The following HS3ST5 variants were observed in gnomAD, a reference collection of about 807,000 sequenced individuals.
The protein encoded by HS3ST5 is heparan sulfate-glucosamine 3-sulfotransferase 5.
Under a neutral mutation model 25.4 loss-of-function variants are expected in HS3ST5, and 10 were observed. The ratio of observed to expected loss-of-function variants is 0.39; its 90% CI spans 0.24 to 0.67. The LOEUF (loss-of-function observed/expected upper bound fraction) is 0.67. Ranked by LOEUF, HS3ST5 falls within the 30% of genes least tolerant of loss-of-function variation. HS3ST5 has a pLI of 0.44. For missense variants in HS3ST5, 324 were observed against 420.7 expected, an observed-to-expected ratio of 0.77 and a Z score of 2.01; for synonymous variants, 170 against 162.4, an observed-to-expected ratio of 1.05 and a Z score of -0.36.
At chr6:114,113,008 C>G (rs1776340969) in intron 3 of HS3ST5, among the ~76,000 whole-genome samples, 1 of 152,154 alleles carries the variant, frequency 6.6e-6, no homozygotes, top group Non-Finnish European at 1.5e-5. Flanking sequence ...TCCCTAATGG[C>G]AGTAACACTT....
chr6:114,096,209 C>T (rs1455669720), intron 3 of HS3ST5, among the ~76,000 whole-genome samples: 3 of 152,096 alleles, frequency 2.0e-5, no homozygotes, highest in African/African-American at 4.8e-5. Flanking sequence ...GGAACATCAC[C>T]CTTGAGCCCG....
chr6:114,157,936 C>T (rs1778775898), intron 3 of HS3ST5, among the ~76,000 whole-genome samples: 1 of 152,176 alleles, frequency 6.6e-6, no homozygotes, highest in Non-Finnish European at 1.5e-5. Context: ...GCTGCCTCCT[C>T]TGCCTATTGC....
At chr6:114,274,202 T>C (rs941789768) in intron 1 of HS3ST5, among the ~76,000 whole-genome samples, 1 of 151,922 alleles carries the variant, frequency 6.6e-6, no homozygotes, top group Non-Finnish European at 1.5e-5. Flanking sequence ...GGTGAAATCT[T>C]TGGAAGTTCT....
chr6:114,130,786 G>A (rs1777290029), intron 3 of HS3ST5, among the ~76,000 whole-genome samples: 1 of 152,144 alleles, frequency 6.6e-6, no homozygotes, highest in Non-Finnish European at 1.5e-5. Context: ...AGCCAGGATA[G>A]TCTCGATCTC....
intron 3 of HS3ST5, among the ~76,000 whole-genome samples, chr6:114,137,224 C>T (rs1310801357): frequency 1.3e-5 from 2 of 151,956 alleles, no homozygotes; most frequent in Non-Finnish European, 2.9e-5. Flanking sequence ...AATTTCTTCT[C>T]CCCCCCGCAA....
At chr6:114,340,722 C>T (rs1202941302) in intron 1 of HS3ST5, 4 of 152,142 alleles carry the variant, frequency 2.6e-5, no homozygotes, top group Admixed American at 1.3e-4. Flanking sequence ...AGCAATAAAA[C>T]CTTTTTTAAA....
At chr6:114,302,482 C>T (rs1412667106) in intron 1 of HS3ST5, among the ~76,000 whole-genome samples, 2 of 151,970 alleles carry the variant, frequency 1.3e-5, no homozygotes, top group Non-Finnish European at 2.9e-5. Context: ...TTAAGTAAAA[C>T]CTAGGACAAT....
In HS3ST5 at chr6:114,138,870, G is replaced by A. The variant is rs1056086089; in HGVS notation, c.-33+29481C>T. 3.9e-5 allele frequency among the ~76,000 whole-genome samples: 6 copies of A among 152,212 alleles called. 1 individual carries two copies. The South Asian group carries it at 8.3e-4, about 21-fold the overall frequency. On this transcript the variant is annotated intron_variant, in intron 3 of 4. Coordinates refer to ENST00000312719, the MANE Select transcript of HS3ST5 (RefSeq NM_153612.4). ...TTGGTAGATTCAGTGTCTGGTGAGC[G>A]CTTGCTTCCTAGTTCACAGAAGGCA... is the stretch of plus-strand genomic sequence containing the variant.
intron 3 of HS3ST5, among the ~76,000 whole-genome samples, chr6:114,161,555 A>ATATAAATATATATAAAATT (rs1554214771): frequency 9.0e-5 from 9 of 99,982 alleles, no homozygotes; most frequent in African/African-American, 3.2e-4. Flanking sequence ...ATATATATAT[A>ATATAAATATATATAAAATT]TATATATATA....
chr6:114,062,424 T>G (rs1370195946), intron 4 of HS3ST5, among the ~76,000 whole-genome samples: 2 of 152,034 alleles, frequency 1.3e-5, no homozygotes, highest in African/African-American at 4.8e-5. Context: ...CAGCTAGAGG[T>G]CAACACCAGA....
At chr6:114,208,233 G>A (rs879708948) in intron 2 of HS3ST5, among the ~76,000 whole-genome samples, 3 of 151,966 alleles carry the variant, frequency 2.0e-5, no homozygotes, top group African/African-American at 7.3e-5. Flanking sequence ...GAGTGTTGGT[G>A]GCCCATTCTT....
intron 1 of HS3ST5, among the ~76,000 whole-genome samples, chr6:114,293,857 G>C (rs1562266496): frequency 6.6e-6 from 1 of 152,160 alleles, no homozygotes; most frequent in Non-Finnish European, 1.5e-5. Context: ...GCTGCAGAGA[G>C]ACTAATATAT....
chr6:114,114,482 T>C (rs1776418967), intron 3 of HS3ST5, among the ~76,000 whole-genome samples: 1 of 152,156 alleles, frequency 6.6e-6, no homozygotes, highest in African/African-American at 2.4e-5. Flanking sequence ...AATAGGATCA[T>C]ATAATTATGT....
intron 1 of HS3ST5, among the ~76,000 whole-genome samples, chr6:114,303,478 G>A (rs1279967698): frequency 2.0e-5 from 3 of 151,264 alleles, no homozygotes; most frequent in Admixed American, 2.0e-4. Flanking sequence ...TTTTTTCTGG[G>A]CAGAGTGACT....
At chr6:114,083,010 T>A (rs1315181006) in intron 3 of HS3ST5, among the ~76,000 whole-genome samples, 1 of 152,238 alleles carries the variant, frequency 6.6e-6, no homozygotes. Flanking sequence ...CACCCTTCTA[T>A]AGAAGTACAT....
At chr6:114,334,201 C>T (rs1014735184) in intron 1 of HS3ST5, among the ~76,000 whole-genome samples, 1 of 152,188 alleles carries the variant, frequency 6.6e-6, no homozygotes, top group Non-Finnish European at 1.5e-5. Flanking sequence ...GTCCTTGAGC[C>T]TTTTCTGGAT....
intron 1 of HS3ST5, among the ~76,000 whole-genome samples, chr6:114,279,964 G>A (rs1016357401): frequency 6.6e-6 from 1 of 151,984 alleles, no homozygotes; most frequent in African/African-American, 2.4e-5. Context: ...AAATGGGCAG[G>A]TAATTCTAAT....
At chr6:114,223,194 A>G (rs1357172348) in intron 2 of HS3ST5, among the ~76,000 whole-genome samples, 1 of 151,604 alleles carries the variant, frequency 6.6e-6, no homozygotes, top group Non-Finnish European at 1.5e-5. Flanking sequence ...CATATATGAC[A>G]TTTCTTCATA....
chr6:114,324,672 A>G (rs1042910094), intron 1 of HS3ST5, among the ~76,000 whole-genome samples: 6 of 152,146 alleles, frequency 3.9e-5, no homozygotes, highest in African/African-American at 1.4e-4. Flanking sequence ...GCCTATTTCA[A>G]TTTATAAGAC....
Sources: allele counts gnomAD v4.1 joint callset (sites outside exome capture counted in the v4.1 genomes callset), GRCh38; gene constraint gnomAD v4.1.1; transcripts MANE v1.5; gene names NCBI Gene and HGNC (gene_info 2026-07-23, HGNC 2026-07-21).